The following CSMD1 variants were observed in gnomAD, a reference collection of about 807,000 sequenced individuals.
The protein encoded by CSMD1 is CUB and sushi domain-containing protein 1.
In CSMD1, 213 loss-of-function variants were observed where a neutral mutation model predicts 417.5. That is an observed-to-expected ratio of 0.51 (90% CI 0.46 to 0.57). The LOEUF is 0.57. Among genes scored for constraint, CSMD1 ranks in the 20% least tolerant of loss-of-function variants. CSMD1 has a pLI of 0.00. For synonymous variants in CSMD1, 2,862 were observed against 1,736.8 expected (o/e 1.65, Z -16.11); for missense variants, 6,923 against 4,529.7 (o/e 1.53, Z -15.17).
At chr8:3,584,651 G>C (rs1584922952) in intron 9 of CSMD1, among the ~76,000 whole-genome samples, 1 of 151,906 alleles carries the variant, frequency 6.6e-6, no homozygotes, top group East Asian at 1.9e-4. Flanking sequence ...ATAATATAAA[G>C]GCAAATATTT....
intron 3 of CSMD1, among the ~76,000 whole-genome samples, chr8:4,400,448 C>T (rs1297431245): frequency 1.3e-5 from 2 of 152,204 alleles, no homozygotes; most frequent in African/African-American, 2.4e-5. Context: ...ATGCAGACAT[C>T]GAGATTCATT....
chr8:3,803,985 T>A (rs901017343), intron 5 of CSMD1, among the ~76,000 whole-genome samples: 1 of 152,122 alleles, frequency 6.6e-6, no homozygotes, highest in Non-Finnish European at 1.5e-5. Flanking sequence ...TGGAGTGCAA[T>A]GGCGTGATCT....
intron 2 of CSMD1, among the ~76,000 whole-genome samples, chr8:4,437,677 T>A (rs2129643597): frequency 6.6e-6 from 1 of 152,306 alleles, no homozygotes; most frequent in African/African-American, 2.4e-5. Flanking sequence ...TAACCTAATA[T>A]TTATAAGACC....
chr8:3,782,215 G>A (rs759126215), intron 5 of CSMD1, among the ~76,000 whole-genome samples: 1 of 152,102 alleles, frequency 6.6e-6, no homozygotes, highest in Non-Finnish European at 1.5e-5. Flanking sequence ...TGCGGCATAG[G>A]ACAGAATCTA....
At position 3,926,660 on chromosome 8, in the gene CSMD1, A is replaced by G. The variant is rs553821558; in HGVS notation, c.818+71243T>C. Among the ~76,000 whole-genome samples, 7 of 149,938 alleles carry G rather than the reference A, an allele frequency of 4.7e-5. No individual in the cohort carries two copies. In the East Asian group the frequency reaches 7.8e-4, roughly 17 times the overall value. On this transcript the variant is annotated intron_variant, in intron 5 of 69. Coordinates refer to ENST00000635120, the MANE Select transcript of CSMD1 (RefSeq NM_033225.6). ...TATTAGAAACAATTAATTGACCTAT[A>G]CTTTTATGTGAAACACATTTGAAAA...
intron 3 of CSMD1, among the ~76,000 whole-genome samples, chr8:4,314,037 GATA>G (rs1044340334): frequency 3.4e-5 from 5 of 147,392 alleles, no homozygotes; most frequent in African/African-American, 1.0e-4. Context: ...TAATAATAAT[GATA>G]ATAATAATAA....
chr8:4,590,161 TC>T (rs772186951), intron 2 of CSMD1, among the ~76,000 whole-genome samples: 78 of 151,888 alleles, frequency 5.1e-4, no homozygotes, highest in Non-Finnish European at 8.2e-4. Flanking sequence ...TGCTCAGAAT[TC>T]TTTATGCTGT....
intron 5 of CSMD1, among the ~76,000 whole-genome samples, chr8:3,856,440 G>C (rs191308323): frequency 6.6e-6 from 1 of 152,062 alleles, no homozygotes; most frequent in Non-Finnish European, 1.5e-5. Context: ...AAGAACAGAC[G>C]AATACATACT....
intron 5 of CSMD1, among the ~76,000 whole-genome samples, chr8:3,874,744 G>C (rs1805701234): frequency 6.6e-6 from 1 of 152,154 alleles, no homozygotes; most frequent in African/African-American, 2.4e-5. Flanking sequence ...ATGGAGGTGA[G>C]AACATACCAT....
intron 3 of CSMD1, among the ~76,000 whole-genome samples, chr8:4,071,402 A>ATATCT (rs1799550392): frequency 3.9e-5 from 6 of 152,036 alleles, no homozygotes; most frequent in African/African-American, 1.2e-4. Flanking sequence ...CCTACTTTAA[A>ATATCT]AAAAATTGTA....
chr8:3,954,644 G>T (rs1246829801), intron 5 of CSMD1, among the ~76,000 whole-genome samples: 1 of 152,228 alleles, frequency 6.6e-6, no homozygotes, highest in Non-Finnish European at 1.5e-5. Flanking sequence ...TTACAGGCGT[G>T]AGCCACCGCA....
At chr8:4,396,666 C>T (rs1585011049) in intron 3 of CSMD1, among the ~76,000 whole-genome samples, 1 of 151,788 alleles carries the variant, frequency 6.6e-6, no homozygotes, top group Non-Finnish European at 1.5e-5. Context: ...TCTCCCCATA[C>T]ACACACACAC....
At chr8:4,942,370 T>C (rs1392811156) in intron 1 of CSMD1, among the ~76,000 whole-genome samples, 1 of 152,340 alleles carries the variant, frequency 6.6e-6, no homozygotes, top group Admixed American at 6.5e-5. Context: ...TGTAGTTTGA[T>C]GTTTCTTTGC....
At chr8:2,992,324 T>C (rs963210867) in intron 54 of CSMD1, among the ~76,000 whole-genome samples, 4 of 152,130 alleles carry the variant, frequency 2.6e-5, no homozygotes, top group African/African-American at 7.2e-5. Flanking sequence ...ATCTGGGAAC[T>C]AGACAGAGGT....
intron 57 of CSMD1, among the ~76,000 whole-genome samples, chr8:2,967,335 T>C (rs543629799): frequency 2.0e-5 from 3 of 152,340 alleles, no homozygotes; most frequent in Admixed American, 6.5e-5. Flanking sequence ...GCTGTGTTAA[T>C]TGGCTTTGAC....
At chr8:4,662,610 G>T (rs1247431254) in intron 1 of CSMD1, among the ~76,000 whole-genome samples, 1 of 152,120 alleles carries the variant, frequency 6.6e-6, no homozygotes, top group African/African-American at 2.4e-5. Context: ...TGACGGCTAC[G>T]ATTTCTCACA....
At chr8:4,608,997 G>T (rs1051828030) in intron 2 of CSMD1, among the ~76,000 whole-genome samples, 3 of 149,724 alleles carry the variant, frequency 2.0e-5, no homozygotes, top group African/African-American at 5.0e-5. Flanking sequence ...AAGGAATGTG[G>T]CATACTTGAA....
intron 2 of CSMD1, among the ~76,000 whole-genome samples, chr8:4,477,580 G>A (rs777337706): frequency 1.3e-5 from 2 of 152,084 alleles, no homozygotes; most frequent in African/African-American, 4.8e-5. Flanking sequence ...TAAAAATTGC[G>A]AGTTGAGAAG....
At chr8:4,509,670 A>G (rs1344581171) in intron 2 of CSMD1, among the ~76,000 whole-genome samples, 1 of 152,182 alleles carries the variant, frequency 6.6e-6, no homozygotes, top group Non-Finnish European at 1.5e-5. Context: ...AGTCCATAAT[A>G]ATAATCACAG....
Sources: gnomAD v4.1 joint callset for allele counts (sites outside exome capture counted in the v4.1 genomes callset) on GRCh38, gnomAD v4.1.1 for gene constraint, MANE v1.5 for transcripts, NCBI Gene and HGNC (gene_info 2026-07-23, HGNC 2026-07-21) for gene names.